The following GRM5 variants were observed in gnomAD, a reference collection of about 807,000 sequenced individuals.
GRM5 encodes the protein metabotropic glutamate receptor 5.
A neutral mutation model predicts 83.1 loss-of-function variants in GRM5; 19 were observed. That is an observed-to-expected ratio of 0.23 (90% CI 0.16 to 0.34). The LOEUF (loss-of-function observed/expected upper bound fraction) is 0.34. Among genes scored for constraint, GRM5 ranks in the 10% least tolerant of loss-of-function variants. The probability of loss-of-function intolerance (pLI) is 1.00; values close to 1 mark genes in which losing one functional copy is unlikely to be tolerated. For synonymous variants in GRM5, 675 were observed against 633.6 expected, an observed-to-expected ratio of 1.07 and a Z score of -0.98; for missense variants, 1,160 against 1,588.3, an observed-to-expected ratio of 0.73 and a Z score of 4.58.
chr11:88,898,198 G>A (rs1945263522), intron 2 of GRM5, among the ~76,000 whole-genome samples: 1 of 151,862 alleles, frequency 6.6e-6, no homozygotes, highest in African/African-American at 2.4e-5. Flanking sequence ...GTCTGTCTCT[G>A]TATCCAAATT....
intron 2 of GRM5, among the ~76,000 whole-genome samples, chr11:88,888,159 T>G (rs1945077209): frequency 6.6e-6 from 1 of 152,142 alleles, no homozygotes; most frequent in Non-Finnish European, 1.5e-5. Flanking sequence ...CCTCAGGCAA[T>G]TAAAGGGAGA....
intron 2 of GRM5, among the ~76,000 whole-genome samples, chr11:89,028,331 C>T (rs1220732165): frequency 1.3e-5 from 2 of 152,108 alleles, no homozygotes; most frequent in African/African-American, 4.8e-5. Context: ...GCCTGTAATG[C>T]CAACACTTTG....
At chr11:89,002,841 C>A (rs1940422723) in intron 2 of GRM5, among the ~76,000 whole-genome samples, 2 of 152,044 alleles carry the variant, frequency 1.3e-5, no homozygotes, top group South Asian at 4.1e-4. Context: ...CTAGGGAGCA[C>A]CTTCATCTCT....
chr11:88,945,924 G>T (rs1938269090), intron 2 of GRM5, among the ~76,000 whole-genome samples: 1 of 151,972 alleles, frequency 6.6e-6, no homozygotes, highest in South Asian at 2.1e-4. Context: ...CACAACAAAA[G>T]AAATGATCAA....
intron 2 of GRM5, among the ~76,000 whole-genome samples, chr11:88,994,091 C>T (rs1425401806): frequency 6.6e-5 from 10 of 151,016 alleles, no homozygotes; most frequent in Admixed American, 5.9e-4. Flanking sequence ...AACCATCCCC[C>T]CCAAAAAAAA....
chr11:88,710,972 G>T (rs558523364), intron 3 of GRM5, among the ~76,000 whole-genome samples: 2 of 152,072 alleles, frequency 1.3e-5, no homozygotes, highest in African/African-American at 4.8e-5. Flanking sequence ...TCCCTGGAGG[G>T]AATAGATGGG....
intron 2 of GRM5, among the ~76,000 whole-genome samples, chr11:89,013,733 T>G (rs1361646863): frequency 1.3e-5 from 2 of 152,218 alleles, no homozygotes; most frequent in Non-Finnish European, 2.9e-5. Context: ...TCATTTCTAC[T>G]GAGAAATGGT....
intron 2 of GRM5, among the ~76,000 whole-genome samples, chr11:89,043,546 C>T (rs1026798843): frequency 2.4e-4 from 36 of 150,862 alleles, no homozygotes; most frequent in Non-Finnish European, 1.0e-4. Flanking sequence ...ATTTCATATT[C>T]GAATTTCAAG....
chr11:88,517,071 C>T (rs1941540126), intron 9 of GRM5, among the ~76,000 whole-genome samples: 1 of 151,612 alleles, frequency 6.6e-6, no homozygotes, highest in Admixed American at 6.6e-5. Flanking sequence ...CACAAACATA[C>T]AGCTATTCCT....
At chr11:88,818,160 G>T (rs1943723695) in intron 3 of GRM5, among the ~76,000 whole-genome samples, 1 of 152,020 alleles carries the variant, frequency 6.6e-6, no homozygotes, top group Non-Finnish European at 1.5e-5. Context: ...GAATGAACTG[G>T]CTAAAGGATC....
intron 2 of GRM5, among the ~76,000 whole-genome samples, chr11:88,982,326 A>G (rs1451572090): frequency 5.9e-5 from 9 of 152,212 alleles, no homozygotes; most frequent in Admixed American, 5.9e-4. Flanking sequence ...TACAATCTAA[A>G]AAATACAAAT....
intron 3 of GRM5, among the ~76,000 whole-genome samples, chr11:88,755,883 G>C (rs577760808): frequency 1.5e-4 from 23 of 152,246 alleles, no homozygotes; most frequent in African/African-American, 5.5e-4. Context: ...GCCAAAAGTA[G>C]GATACTGTGC....
chr11:88,662,482 G>A (rs929022559), intron 3 of GRM5, among the ~76,000 whole-genome samples: 1 of 151,908 alleles, frequency 6.6e-6, no homozygotes, highest in Middle Eastern at 3.2e-3. Context: ...CTGATCTTTG[G>A]GGTATACACA....
intron 4 of GRM5, among the ~76,000 whole-genome samples, chr11:88,618,243 G>A (rs1938536390): frequency 6.6e-6 from 1 of 152,106 alleles, no homozygotes; most frequent in Non-Finnish European, 1.5e-5. Context: ...GATTTAAACA[G>A]CACCCAAGAT....
chr11:89,017,734 A>C (rs1210601748), intron 2 of GRM5, among the ~76,000 whole-genome samples: 8 of 152,212 alleles, frequency 5.3e-5, no homozygotes, highest in Admixed American at 1.3e-4. Context: ...TATCAGATGC[A>C]CTGTTGCTTC....
chr11:88,886,700 CT>C (rs1201460646), intron 2 of GRM5, among the ~76,000 whole-genome samples: 2 of 152,136 alleles, frequency 1.3e-5, no homozygotes, highest in African/African-American at 2.4e-5. Context: ...TCTGACTACC[CT>C]GATGAGATGT....
intron 2 of GRM5, among the ~76,000 whole-genome samples, chr11:88,991,564 A>T (rs2135048610): frequency 6.7e-6 from 1 of 149,780 alleles, no homozygotes; most frequent in East Asian, 2.0e-4. Flanking sequence ...ACTCAATCCT[A>T]AGCCAAAAGA....
chr11:88,864,434 T>C (rs1193886040), intron 2 of GRM5, among the ~76,000 whole-genome samples: 2 of 152,012 alleles, frequency 1.3e-5, no homozygotes, highest in South Asian at 2.1e-4. Flanking sequence ...TTTGTAGCAA[T>C]TGTGAATGGG....
chr11:88,799,209 C>T (rs958571794), intron 3 of GRM5, among the ~76,000 whole-genome samples: 1 of 151,994 alleles, frequency 6.6e-6, no homozygotes, highest in Non-Finnish European at 1.5e-5. Context: ...CATTGAATTG[C>T]TGCTTATAAT....
Sources: gnomAD v4.1 joint callset for allele counts (sites outside exome capture counted in the v4.1 genomes callset) on GRCh38, gnomAD v4.1.1 for gene constraint, MANE v1.5 for transcripts, NCBI Gene and HGNC (gene_info 2026-07-23, HGNC 2026-07-21) for gene names.